SYT1: variants seen among roughly 807,000 people sequenced by gnomAD.
SYT1 encodes synaptotagmin-1.
SYT1 carries 8 observed loss-of-function variants against 44.8 expected under a neutral mutation model. The observed-to-expected ratio is 0.18, with a 90% CI of 0.10 to 0.32. The LOEUF (loss-of-function observed/expected upper bound fraction) is 0.32, where lower values mean the gene tolerates loss of function less well. Among genes scored for constraint, SYT1 ranks in the 10% least tolerant of loss-of-function variants. The pLI is 1.00. For synonymous variants in SYT1, 154 were observed against 188.8 expected, an observed-to-expected ratio of 0.82 and a Z score of 1.51; for missense variants, 286 against 509.3, an observed-to-expected ratio of 0.56 and a Z score of 4.22.
At chr12:79,221,266 T>C (rs1875144072) in intron 4 of SYT1, among the ~76,000 whole-genome samples, 1 of 152,138 alleles carries the variant, frequency 6.6e-6, no homozygotes, top group African/African-American at 2.4e-5. Flanking sequence ...TTGGTTTCCA[T>C]TTGCATTATA....
chr12:79,264,098 G>A (rs1014045839), intron 4 of SYT1, among the ~76,000 whole-genome samples: 4 of 151,764 alleles, frequency 2.6e-5, no homozygotes, highest in African/African-American at 9.7e-5. Context: ...AGGATTTTTT[G>A]GGCAGTCATA....
intron 6 of SYT1, among the ~76,000 whole-genome samples, chr12:79,292,349 T>C (rs552172187): frequency 1.3e-5 from 2 of 152,300 alleles, no homozygotes; most frequent in East Asian, 3.9e-4. Context: ...TTACATCTAC[T>C]TGTGGCACTT....
At chr12:78,898,442 A>G (rs1268326282) in intron 1 of SYT1, among the ~76,000 whole-genome samples, 2 of 152,116 alleles carry the variant, frequency 1.3e-5, no homozygotes, top group Non-Finnish European at 2.9e-5. Context: ...GTGTCAAAGA[A>G]TTACAAACAA....
At chr12:78,902,876 C>G (rs1226446221) in intron 1 of SYT1, among the ~76,000 whole-genome samples, 1 of 152,044 alleles carries the variant, frequency 6.6e-6, no homozygotes, top group Non-Finnish European at 1.5e-5. Flanking sequence ...AAATTTGAAG[C>G]TCCAAATAAA....
chr12:79,370,215 A>T (rs1357847100), intron 9 of SYT1, among the ~76,000 whole-genome samples: 1 of 152,230 alleles, frequency 6.6e-6, no homozygotes, highest in Non-Finnish European at 1.5e-5. Flanking sequence ...CAAATTCAGC[A>T]GGAAATCAGG....
chr12:79,391,435 T>G (rs1365229942), intron 9 of SYT1, among the ~76,000 whole-genome samples: 1 of 152,178 alleles, frequency 6.6e-6, no homozygotes, highest in African/African-American at 2.4e-5. Context: ...CTAAAATGTA[T>G]ACATTGGGGG....
chr12:79,178,946 A>C, intron 3 of SYT1, among the ~76,000 whole-genome samples: 1 of 47,742 alleles, frequency 2.1e-5, no homozygotes, highest in Non-Finnish European at 3.7e-5. Context: ...AGATATAGAT[A>C]TAGATATAGA....
At chr12:79,388,639 A>T (rs191922298) in intron 9 of SYT1, among the ~76,000 whole-genome samples, 14 of 152,258 alleles carry the variant, frequency 9.2e-5, no homozygotes, top group Non-Finnish European at 1.9e-4. Context: ...TGAGCCAGGG[A>T]TGTGGCGGTT....
intron 9 of SYT1, among the ~76,000 whole-genome samples, chr12:79,369,924 T>C (rs895032915): frequency 6.6e-6 from 1 of 152,264 alleles, no homozygotes; most frequent in African/African-American, 2.4e-5. Context: ...GAATGGAATC[T>C]TTTTTATCTT....
rs369188717 is a variant in SYT1, at chr12:79,224,990, A to G, written c.166+7305A>G. Among the ~76,000 whole-genome samples the G allele has an allele frequency of 4.6e-5, 7 of 151,988 alleles. 1 individual carries two copies. The highest frequency in any genetic ancestry group is 3.3e-4 in the Admixed American group (5 of 15,262). On this transcript the variant is annotated intron_variant, in intron 4 of 10. Transcript: ENST00000261205. ...GAGACGGGATTTCTCCATGTTGGTC[A>G]GGCTGGTCTCGAACTCCCGACCTCA...
intron 2 of SYT1, among the ~76,000 whole-genome samples, chr12:79,024,305 T>C (rs1872386111): frequency 1.3e-5 from 2 of 151,750 alleles, no homozygotes; most frequent in South Asian, 2.1e-4. Flanking sequence ...AGAGCACCTA[T>C]CCCAAGCTTC....
chr12:79,007,899 G>T (rs772800638), intron 2 of SYT1, among the ~76,000 whole-genome samples: 3 of 152,056 alleles, frequency 2.0e-5, no homozygotes. Flanking sequence ...CAGTCATTCG[G>T]CATTCAACTA....
chr12:79,381,724 C>A (rs936634451), intron 9 of SYT1, among the ~76,000 whole-genome samples: 1 of 152,088 alleles, frequency 6.6e-6, no homozygotes, highest in Non-Finnish European at 1.5e-5. Context: ...CTACAAATTG[C>A]GTGGAAGCAA....
chr12:79,173,840 A>G (rs1871697106), intron 3 of SYT1, among the ~76,000 whole-genome samples: 1 of 152,046 alleles, frequency 6.6e-6, no homozygotes, highest in Non-Finnish European at 1.5e-5. Flanking sequence ...TTTAGGAGGC[A>G]AGGATAAGGC....
chr12:79,182,080 ACTTTGT>A (rs959132470), intron 3 of SYT1, among the ~76,000 whole-genome samples: 4 of 152,138 alleles, frequency 2.6e-5, no homozygotes, highest in African/African-American at 9.6e-5. Flanking sequence ...CTGAGTTATT[ACTTTGT>A]CTTTGTCCTT....
intron 1 of SYT1, among the ~76,000 whole-genome samples, chr12:78,957,334 G>A (rs1380980236): frequency 6.6e-6 from 1 of 152,120 alleles, no homozygotes; most frequent in Non-Finnish European, 1.5e-5. Flanking sequence ...TACCTAAGAA[G>A]TAGTTACTTT....
At chr12:79,280,870 C>G (rs1879012446) in intron 4 of SYT1, among the ~76,000 whole-genome samples, 1 of 151,336 alleles carries the variant, frequency 6.6e-6, no homozygotes, top group Non-Finnish European at 1.5e-5. Flanking sequence ...AGAAGCCATA[C>G]AAGTGGCCAA....
chr12:79,136,536 A>T (rs913963236), intron 3 of SYT1, among the ~76,000 whole-genome samples: 7 of 152,308 alleles, frequency 4.6e-5, no homozygotes, highest in Non-Finnish European at 8.8e-5. Flanking sequence ...ATTTTTTTGT[A>T]CTACATATTA....
At chr12:79,188,947 A>G (rs1181931270) in intron 3 of SYT1, among the ~76,000 whole-genome samples, 1 of 105,368 alleles carries the variant, frequency 9.5e-6, no homozygotes, top group Non-Finnish European at 2.0e-5. Context: ...TGAGTATCAA[A>G]TCACTAACCT....
Sources: gnomAD v4.1 joint callset for allele counts (sites outside exome capture counted in the v4.1 genomes callset) on GRCh38, gnomAD v4.1.1 for gene constraint, MANE v1.5 for transcripts, NCBI Gene and HGNC (gene_info 2026-07-23, HGNC 2026-07-21) for gene names.